MYO1D: variants seen among roughly 807,000 people sequenced by gnomAD.
MYO1D encodes unconventional myosin-Id.
In MYO1D, 83 loss-of-function variants were observed where a neutral mutation model predicts 122.0. The observed-to-expected ratio is 0.68, with a 90% CI of 0.57 to 0.82. The LOEUF is 0.82. MYO1D is among the 40% of genes least tolerant of loss of function. The pLI is 0.00. For synonymous variants in MYO1D, 464 were observed against 446.9 expected, an observed-to-expected ratio of 1.04 and a Z score of -0.48; for missense variants, 1,157 against 1,269.5, an observed-to-expected ratio of 0.91 and a Z score of 1.35.
chr17:32,741,239 A>G (rs1020075004), intron 13 of MYO1D, among the ~76,000 whole-genome samples: 2 of 151,520 alleles, frequency 1.3e-5, no homozygotes, highest in African/African-American at 2.4e-5. Context: ...AAAAAAAAAA[A>G]AAGAAAAGAA....
chr17:32,576,460 G>C (rs1185862100), intron 21 of MYO1D, among the ~76,000 whole-genome samples: 4 of 152,124 alleles, frequency 2.6e-5, no homozygotes, highest in Non-Finnish European at 5.9e-5. Context: ...AAACTCTAAA[G>C]AGAATTCTGT....
intron 21 of MYO1D, among the ~76,000 whole-genome samples, chr17:32,583,030 T>C (rs908144141): frequency 6.6e-6 from 1 of 152,238 alleles, no homozygotes; most frequent in Non-Finnish European, 1.5e-5. Context: ...TATATTTTTA[T>C]TCTTTCTGAA....
In MYO1D at chr17:32,514,202, T is replaced by G. The variant is rs944873243; in HGVS notation, c.2865-19287A>C. ...TTGTAGTCAGCTGAGATTGTGCCACTGCACTCCAGCCTGGGCGACAGAGCA... is the reference window on the plus strand; with the variant it reads ...TTGTAGTCAGCTGAGATTGTGCCACGGCACTCCAGCCTGGGCGACAGAGCA... On this transcript the variant is annotated intron_variant, in intron 21 of 21. Transcript: ENST00000318217. 2.3e-5 allele frequency among the ~76,000 whole-genome samples: 3 copies of G among 129,860 alleles called. No homozygotes were observed. In the East Asian group the frequency reaches 7.9e-4, roughly 34 times the overall value. The allele number at this position is 129,860 out of a possible 152,430, so 85.2% of individuals were successfully genotyped here.
At chr17:32,807,961 T>A (rs1208106177) in intron 1 of MYO1D, among the ~76,000 whole-genome samples, 1 of 152,212 alleles carries the variant, frequency 6.6e-6, no homozygotes, top group African/African-American at 2.4e-5. Flanking sequence ...CAGCCCCTAC[T>A]GATGTACTTT....
At chr17:32,573,818 C>T (rs958994875) in intron 21 of MYO1D, among the ~76,000 whole-genome samples, 1 of 152,140 alleles carries the variant, frequency 6.6e-6, no homozygotes, top group African/African-American at 2.4e-5. Flanking sequence ...AGCCACTGTG[C>T]CCGGTCTCTG....
intron 20 of MYO1D, 110 bp from the exon 21 acceptor site, chr17:32,605,351 T>C (rs1281237876): frequency 7.0e-6 from 7 of 994,818 alleles, no homozygotes; most frequent in African/African-American, 1.6e-5. Flanking sequence ...TCCCAGCTAC[T>C]TGGGAGGCTG....
intron 1 of MYO1D, among the ~76,000 whole-genome samples, chr17:32,838,071 C>T (rs992939095): frequency 6.6e-6 from 1 of 152,064 alleles, no homozygotes; most frequent in Non-Finnish European, 1.5e-5. Flanking sequence ...GATCGGTGAT[C>T]ACACCCAAGC....
chr17:32,608,332 C>T (rs996958701), intron 20 of MYO1D, among the ~76,000 whole-genome samples: 22 of 152,156 alleles, frequency 1.4e-4, no homozygotes, highest in African/African-American at 4.6e-4. Context: ...TTTGAAATCA[C>T]TTCACCAAAG....
intron 21 of MYO1D, among the ~76,000 whole-genome samples, chr17:32,551,556 C>CCACACACA (rs56031542): frequency 1.8e-4 from 27 of 150,454 alleles, no homozygotes; most frequent in African/African-American, 5.8e-4. Flanking sequence ...CATCCCACTG[C>CCACACACA]CACACACACA....
At chr17:32,777,586 G>C (rs953487523) in intron 3 of MYO1D, among the ~76,000 whole-genome samples, 3 of 152,160 alleles carry the variant, frequency 2.0e-5, no homozygotes, top group Admixed American at 2.0e-4. Context: ...AGACAGTAGA[G>C]ATCAGCTTTA....
At chr17:32,507,712 T>C (rs1373557607) in intron 21 of MYO1D, among the ~76,000 whole-genome samples, 1 of 152,174 alleles carries the variant, frequency 6.6e-6, no homozygotes, top group Admixed American at 6.5e-5. Context: ...TATTGTGAGA[T>C]CTGGGCTTTA....
At chr17:32,826,329 G>A (rs2151061843) in intron 1 of MYO1D, among the ~76,000 whole-genome samples, 1 of 152,038 alleles carries the variant, frequency 6.6e-6, no homozygotes, top group Admixed American at 6.5e-5. Context: ...GCAGAGCCTG[G>A]CATATAGGAA....
intron 20 of MYO1D, among the ~76,000 whole-genome samples, chr17:32,612,995 T>C (rs1205755836): frequency 2.6e-5 from 4 of 152,090 alleles, no homozygotes; most frequent in African/African-American, 9.7e-5. Flanking sequence ...CATGAATTCC[T>C]AAGCTCAAGT....
chr17:32,610,725 A>C (rs1450445937), intron 20 of MYO1D, among the ~76,000 whole-genome samples: 2 of 152,204 alleles, frequency 1.3e-5, no homozygotes, highest in African/African-American at 4.8e-5. Context: ...TCTAAGTGAA[A>C]ATAAGTCAGC....
At chr17:32,822,806 T>G (rs929243540) in intron 1 of MYO1D, among the ~76,000 whole-genome samples, 1 of 151,590 alleles carries the variant, frequency 6.6e-6, no homozygotes, top group Admixed American at 6.6e-5. Context: ...CGACCGCTCC[T>G]CAGTCGGGCC....
At chr17:32,839,175 A>C (rs994157076) in intron 1 of MYO1D, among the ~76,000 whole-genome samples, 2 of 152,218 alleles carry the variant, frequency 1.3e-5, no homozygotes, top group African/African-American at 2.4e-5. Flanking sequence ...AAGCAAAAGC[A>C]AAAAGGACTA....
intron 19 of MYO1D, among the ~76,000 whole-genome samples, chr17:32,644,360 C>T (rs563307111): frequency 1.4e-4 from 21 of 151,968 alleles, no homozygotes; most frequent in African/African-American, 3.6e-4. Context: ...GGAATAAGTG[C>T]GGCGTGGTGC....
chr17:32,829,218 G>C (rs986898546), intron 1 of MYO1D, among the ~76,000 whole-genome samples: 1 of 152,154 alleles, frequency 6.6e-6, no homozygotes, highest in Non-Finnish European at 1.5e-5. Flanking sequence ...TAGATTAAGG[G>C]CATTTTTGAG....
intron 19 of MYO1D, 53 bp from the exon 20 acceptor site, chr17:32,638,888 G>A: frequency 7.9e-7 from 1 of 1,264,372 alleles, no homozygotes; most frequent in South Asian, 1.2e-5. Flanking sequence ...AGGAAATCAA[G>A]TTGGCTGATT....
Sources: allele counts gnomAD v4.1 joint callset (sites outside exome capture counted in the v4.1 genomes callset), GRCh38; gene constraint gnomAD v4.1.1; transcripts MANE v1.5; gene names NCBI Gene and HGNC (gene_info 2026-07-23, HGNC 2026-07-21).